Variants in HMCN2 observed in about 807,000 individuals in gnomAD.
HMCN2 encodes hemicentin 2.
HMCN2 carries 325 observed loss-of-function variants against 377.5 expected under a neutral mutation model. That is an observed-to-expected ratio of 0.86 (90% CI 0.79 to 0.94). The LOEUF is 0.94. Ranked by LOEUF, HMCN2 falls within the 40% of genes least tolerant of loss-of-function variation. The pLI is 0.00. For synonymous variants in HMCN2, 2,007 were observed against 2,046.8 expected, an observed-to-expected ratio of 0.98 and a Z score of 0.53; for missense variants, 4,543 against 4,725.3, an observed-to-expected ratio of 0.96 and a Z score of 1.13.
In HMCN2 at chr9:130,304,215, T is replaced by C. The variant is rs1275064306; in HGVS notation, c.1544-515T>C. 6.6e-6 allele frequency among the ~76,000 whole-genome samples: 1 copy of C among 152,216 alleles called. No homozygotes were observed. The highest frequency in any genetic ancestry group is 1.5e-5 in the Non-Finnish European group (1 of 68,032). ...ATTTGATTTACTCCCTTTTAGGTTT[T>C]TTTCTATGTTCAGCAGTCTCTGATC... On this transcript the variant is annotated intron_variant, in intron 10 of 97. Coordinates refer to ENST00000683500, the MANE Select transcript of HMCN2 (RefSeq NM_001291815.2). The surrounding 1 kb of genome is among the most constrained non-coding windows in gnomAD (Gnocchi z 4.3).
In HMCN2 at chr9:130,391,939, T is replaced by A; in HGVS notation, c.9957T>A (p.Pro3319=). 4 of 988,046 alleles carry A rather than the reference T, an allele frequency of 4.0e-6. No individual in the cohort carries two copies. The highest frequency in any genetic ancestry group is 4.8e-6 in the Non-Finnish European group (4 of 830,212). 61.2% of individuals were successfully genotyped at this position (988,046 alleles called of 1,614,324 possible). A position where few individuals can be genotyped will look rare whatever the true frequency, so the allele number is the denominator to read the frequency against. ...CTTTTTTCTACCCACCCTCAGTTCC[T>A]CCCACCATCAAGCAGGGAGCAGACG... The part of the protein sequence containing the change: ...ARLHTVNVLV[P]PTIKQGADGS... The change falls in exon 66 of 98, where the codon CCT becomes CCA. Residue 3319 remains proline, a synonymous_variant. Coordinates refer to ENST00000683500, the MANE Select transcript of HMCN2 (RefSeq NM_001291815.2).
intron 7 of HMCN2, among the ~76,000 whole-genome samples, 156 bp from the exon 8 acceptor site, chr9:130,298,869 C>T (rs1430980410): frequency 6.6e-6 from 1 of 152,112 alleles, no homozygotes. Flanking sequence ...CCACCCCCAG[C>T]GTTGGTCAGC....
rs1380966496 is a variant in HMCN2, at chr9:130,429,605, T to C, written c.14246T>C (p.Leu4749Pro). 1 of 1,550,252 alleles carries C rather than the reference T, an allele frequency of 6.5e-7. No homozygotes were observed. The highest frequency in any genetic ancestry group is 8.7e-7 in the Non-Finnish European group (1 of 1,146,826). The change falls in exon 94 of 98, where the codon CTC (leucine) becomes CCC (proline). Residue 4749 changes from leucine (L) to proline (P), a missense_variant. Leu to Pro is a moderately conservative substitution (Grantham distance 98). Coordinates refer to ENST00000683500, the MANE Select transcript of HMCN2 (RefSeq NM_001291815.2). ...EGLDDCHYNQ[L>P]CENTPGGHRC... is the part of the protein sequence containing the mutation. ...TTGGACGACTGTCACTACAACCAGCTCTGCGAGAACACCCCAGGCGGTCAC... is the reference window on the plus strand; with the variant it reads ...TTGGACGACTGTCACTACAACCAGCCCTGCGAGAACACCCCAGGCGGTCAC...
chr9:130,362,608 G>A (rs1840444137), intron 39 of HMCN2, among the ~76,000 whole-genome samples: 1 of 152,238 alleles, frequency 6.6e-6, no homozygotes, highest in Admixed American at 6.5e-5. Flanking sequence ...CATTTCAAGG[G>A]CTCACTGGCC....
intron 4 of HMCN2, among the ~76,000 whole-genome samples, chr9:130,289,745 T>C (rs192880539): frequency 2.0e-5 from 3 of 152,252 alleles, no homozygotes; most frequent in East Asian, 3.9e-4. Context: ...GAACTCTCTC[T>C]GAAAAAGATT....
In HMCN2 at chr9:130,358,421, T is replaced by C; in HGVS notation, c.5612T>C (p.Ile1871Thr). ...IEKVDLRDEG[I>T]YTCAATNLAG... ...AAGGTGGACCTGAGGGACGAGGGCA[T>C]CTACACTTGTGCTGCTACCAACCTG... Residue 1871 changes from isoleucine to threonine, a missense_variant, in exon 36 of 98, where the codon ATC (isoleucine) becomes ACC (threonine). By Grantham distance (89) the Ile-to-Thr change is moderately conservative. This residue lies in a region of HMCN2 where 1,032 missense variants were observed against 1,285.1 expected (regional missense o/e 0.80). Transcript: ENST00000683500. The C allele has an allele frequency of 7.7e-7, 1 of 1,304,310 alleles. No homozygotes were observed. The highest frequency in any genetic ancestry group is 1.0e-6 in the Non-Finnish European group (1 of 988,946). The allele number at this position is 1,304,310 out of a possible 1,614,324, so 80.8% of individuals were successfully genotyped here.
chr9:130,392,692 G>A (rs1260579035), intron 66 of HMCN2, among the ~76,000 whole-genome samples: 1 of 152,140 alleles, frequency 6.6e-6, no homozygotes, highest in Non-Finnish European at 1.5e-5. Context: ...GGGGCACCGG[G>A]AACCCAGGTA....
chr9:130,289,953 G>T (rs1413640362), intron 4 of HMCN2, among the ~76,000 whole-genome samples: 1 of 152,202 alleles, frequency 6.6e-6, no homozygotes, highest in Non-Finnish European at 1.5e-5. Flanking sequence ...AGCCGCCCTG[G>T]CTGTCAAATG....
chr9:130,426,991 G>C (rs985105915), intron 90 of HMCN2, among the ~76,000 whole-genome samples: 1 of 152,142 alleles, frequency 6.6e-6, no homozygotes, highest in Non-Finnish European at 1.5e-5. Flanking sequence ...CGGTCTCTGT[G>C]CATTGCTGCT....
intron 48 of HMCN2, among the ~76,000 whole-genome samples, 183 bp downstream of exon 48, chr9:130,373,307 C>G (rs1841143613): frequency 6.6e-6 from 1 of 152,194 alleles, no homozygotes; most frequent in Admixed American, 6.5e-5. Flanking sequence ...ATCCCAAACA[C>G]TCTTCCCTCT....
chr9:130,386,359 T>C (rs767610770), intron 60 of HMCN2, 84 bp from the exon 61 acceptor site: 84 of 818,916 alleles, frequency 1.0e-4, no homozygotes, highest in Non-Finnish European at 1.4e-4. Context: ...TCTGGAAGTT[T>C]TGGGGGCCTA....
intron 56 of HMCN2, 45 bp downstream of exon 56, chr9:130,382,911 G>T (rs926120619): frequency 6.1e-5 from 59 of 962,678 alleles, no homozygotes; most frequent in South Asian, 1.4e-4. Flanking sequence ...GGCTGCTGAG[G>T]CCCAGCACCA....
Position 130,393,429 on chromosome 9 carries a change from C to T in HMCN2, c.10234+120C>T, listed in dbSNP as rs1031616298. The T allele has an allele frequency of 3.1e-5, 17 of 541,188 alleles. No individual in the cohort carries two copies. The highest frequency in any genetic ancestry group is 4.1e-4 in the Middle Eastern group (1 of 2,446). The allele number at this position is 541,188 out of a possible 1,614,324, so 33.5% of individuals were successfully genotyped here. A position where few individuals can be genotyped will look rare whatever the true frequency, so the allele number is the denominator to read the frequency against. Reference sequence around the variant, plus strand: ...TGGGCCCTGGGGGCGTCGAGGAGAGCGGACACTGCGGCTCAGTCTCTGACT... The same window carrying T: ...TGGGCCCTGGGGGCGTCGAGGAGAGTGGACACTGCGGCTCAGTCTCTGACT... On this transcript the variant is annotated intron_variant, in intron 67 of 97. Coordinates refer to ENST00000683500, the MANE Select transcript of HMCN2 (RefSeq NM_001291815.2). The surrounding 1 kb of genome is among the most constrained non-coding windows in gnomAD (Gnocchi z 5.2).
intron 62 of HMCN2, among the ~76,000 whole-genome samples, chr9:130,390,432 C>CT (rs1158702680): frequency 6.6e-6 from 1 of 152,184 alleles, no homozygotes; most frequent in South Asian, 2.1e-4. Context: ...TTGCTCGTGT[C>CT]TTTGTGTTGA....
intron 31 of HMCN2, among the ~76,000 whole-genome samples, chr9:130,354,120 G>A (rs551004950): frequency 6.6e-6 from 1 of 152,286 alleles, no homozygotes; most frequent in East Asian, 1.9e-4. Flanking sequence ...TTTTCAAAGC[G>A]TCTTACACCC....
intron 85 of HMCN2, among the ~76,000 whole-genome samples, chr9:130,415,778 C>A (rs946179025): frequency 9.2e-5 from 14 of 152,326 alleles, no homozygotes; most frequent in African/African-American, 3.4e-4. Context: ...GTCCGTGGCT[C>A]CTTCATTTCC....
intron 72 of HMCN2, 35 bp downstream of exon 72, chr9:130,396,100 C>CCCCCT: frequency 8.1e-7 from 1 of 1,227,584 alleles, no homozygotes; most frequent in South Asian, 1.4e-5. Context: ...CCCTGCCCAC[C>CCCCCT]TTACCCCACC....
chr9:130,313,360 GACCA>G lies in HMCN2; in HGVS notation c.2350+3300_2350+3303del, dbSNP rs1837365997. 3.2e-3 allele frequency among the ~76,000 whole-genome samples: 485 copies of G among 151,544 alleles called. 1 individual carries two copies. The highest frequency in any genetic ancestry group is 6.8e-3 in the Middle Eastern group (2 of 294). ...TGTGCCAGGAGGGCCTGCACTTGTG[GACCA>G]GCCTGCGAGGCACTGGTGGATTACC... is the stretch of plus-strand genomic sequence containing the variant. On this transcript the variant is annotated intron_variant, in intron 15 of 97. Coordinates refer to ENST00000683500, the MANE Select transcript of HMCN2 (RefSeq NM_001291815.2).
At chr9:130,331,147 ACT>A (rs1414061603) in intron 22 of HMCN2, among the ~76,000 whole-genome samples, 1 of 142,152 alleles carries the variant, frequency 7.0e-6, no homozygotes, top group Non-Finnish European at 1.5e-5. Flanking sequence ...ACAGAGCAAG[ACT>A]CTGTCTTAAA....
Sources: gnomAD v4.1 joint callset for allele counts (sites outside exome capture counted in the v4.1 genomes callset) on GRCh38, gnomAD v4.1.1 for gene constraint, gnomAD v4.1.1 regional missense constraint, Gnocchi (gnomAD v3.1) non-coding constraint, MANE v1.5 for transcripts, NCBI Gene and HGNC (gene_info 2026-07-23, HGNC 2026-07-21) for gene names.